The following ANOS1 variants were observed in gnomAD, a reference collection of about 807,000 sequenced individuals.
ANOS1 encodes anosmin 1, also known as anosmin-1.
A neutral mutation model predicts 59.0 loss-of-function variants in ANOS1; 6 were observed. The observed-to-expected ratio is 0.10, with a 90% CI of 0.06 to 0.20. The LOEUF (loss-of-function observed/expected upper bound fraction) is 0.20. ANOS1 is among the 10% of genes least tolerant of loss of function. The probability of loss-of-function intolerance (pLI) is 1.00; values close to 1 mark genes in which losing one functional copy is unlikely to be tolerated. For synonymous variants in ANOS1, 217 were observed against 223.4 expected (o/e 0.97, Z 0.25); for missense variants, 433 against 542.3 (o/e 0.80, Z 2.00).
chrX:8,653,974 G>A (rs949001966), intron 2 of ANOS1, among the ~76,000 whole-genome samples: 2 of 112,177 alleles, frequency 1.8e-5, no homozygotes, highest in Non-Finnish European at 3.8e-5. Flanking sequence ...GGATTCAGTA[G>A]TGACCAGAAC....
At chrX:8,686,948 C>T (rs779986685) in intron 2 of ANOS1, among the ~76,000 whole-genome samples, 165 of 110,780 alleles carry the variant, frequency 1.5e-3, no homozygotes, top group Middle Eastern at 9.3e-3. Flanking sequence ...AGCCAGACTT[C>T]GTCTCAAAAA....
intron 1 of ANOS1, among the ~76,000 whole-genome samples, chrX:8,708,951 A>G (rs973735487): frequency 2.7e-5 from 3 of 111,720 alleles, no homozygotes; most frequent in Non-Finnish European, 5.6e-5. Context: ...GGATGAGTTC[A>G]TGTCCTCTGC....
chrX:8,603,612 ATAATC>A (rs752875330), intron 3 of ANOS1, among the ~76,000 whole-genome samples: 1 of 112,426 alleles, frequency 8.9e-6, no homozygotes, highest in Non-Finnish European at 1.9e-5. Flanking sequence ...GTACAGTAAA[ATAATC>A]TGTTCAGCAA....
At chrX:8,714,615 G>A (rs1372005403) in intron 1 of ANOS1, among the ~76,000 whole-genome samples, 1 of 111,562 alleles carries the variant, frequency 9.0e-6, no homozygotes, top group Non-Finnish European at 1.9e-5. Flanking sequence ...GTAAGTCCTA[G>A]AAGTTGTTGT....
At chrX:8,610,844 C>G (rs1931042999) in intron 3 of ANOS1, among the ~76,000 whole-genome samples, 1 of 111,159 alleles carries the variant, frequency 9.0e-6, no homozygotes, top group Admixed American at 9.6e-5. Flanking sequence ...TCAAAAGGAA[C>G]TTAACTACAT....
chrX:8,656,345 T>C (rs2146867795), intron 2 of ANOS1, among the ~76,000 whole-genome samples: 1 of 112,159 alleles, frequency 8.9e-6, no homozygotes, highest in Admixed American at 9.5e-5. Context: ...TGGCAAATTG[T>C]GTAGCCTTTC....
chrX:8,644,740 C>T (rs376428230), intron 2 of ANOS1, among the ~76,000 whole-genome samples: 13 of 112,182 alleles, frequency 1.2e-4, no homozygotes, highest in South Asian at 3.7e-4. Context: ...CTTATCTTAA[C>T]TCAAGCATTT....
At chrX:8,569,516 C>T (rs1930186725) in intron 7 of ANOS1, among the ~76,000 whole-genome samples, 1 of 111,413 alleles carries the variant, frequency 9.0e-6, no homozygotes, top group African/African-American at 3.3e-5. Flanking sequence ...GTGGCGGGCG[C>T]CTGTAGTCCC....
At chrX:8,696,121 T>C (rs975686884) in intron 2 of ANOS1, among the ~76,000 whole-genome samples, 4 of 112,157 alleles carry the variant, frequency 3.6e-5, no homozygotes, top group Non-Finnish European at 3.8e-5. Context: ...GTTCCTTCTA[T>C]CTTTCTTGTC....
At chrX:8,541,579 G>A (rs1487770789) in intron 9 of ANOS1, among the ~76,000 whole-genome samples, 109 of 89,217 alleles carry the variant, frequency 1.2e-3, no homozygotes, top group African/African-American at 4.3e-3. Context: ...TGGCACTGCA[G>A]AGACCTGTGG....
intron 8 of ANOS1, among the ~76,000 whole-genome samples, chrX:8,564,963 G>T (rs1438229266): frequency 9.0e-6 from 1 of 111,649 alleles, no homozygotes; most frequent in African/African-American, 3.3e-5. Context: ...GCTAATTAAA[G>T]AATATCTCCC....
At chrX:8,594,114 T>G (rs747603017) in intron 4 of ANOS1, among the ~76,000 whole-genome samples, 104 of 111,585 alleles carry the variant, frequency 9.3e-4, no homozygotes, top group African/African-American at 3.3e-3. Context: ...AGGCATAGCC[T>G]GCAACCTCTG....
At chrX:8,644,364 C>A (rs769519160) in intron 2 of ANOS1, among the ~76,000 whole-genome samples, 3 of 110,514 alleles carry the variant, frequency 2.7e-5, no homozygotes, top group Non-Finnish European at 5.7e-5. Flanking sequence ...CACAACTGAC[C>A]AGCATTCACA....
intron 2 of ANOS1, among the ~76,000 whole-genome samples, chrX:8,629,233 C>T (rs893038932): frequency 9.0e-6 from 1 of 110,526 alleles, no homozygotes; most frequent in African/African-American, 3.3e-5. Flanking sequence ...CAGAGTAAGA[C>T]TCTGTCTCAA....
chrX:8,654,599 T>C (rs1041251775), intron 2 of ANOS1, among the ~76,000 whole-genome samples: 2 of 112,427 alleles, frequency 1.8e-5, no homozygotes, highest in African/African-American at 6.5e-5. Flanking sequence ...TAAAGAGCCT[T>C]TAACGTCTCC....
intron 1 of ANOS1, among the ~76,000 whole-genome samples, chrX:8,723,609 A>T (rs1932890725): frequency 8.9e-6 from 1 of 112,515 alleles, no homozygotes; most frequent in South Asian, 3.6e-4. Flanking sequence ...TTTTTTACAT[A>T]TTGGCTAATA....
At chrX:8,668,024 T>C (rs1277084202) in intron 2 of ANOS1, among the ~76,000 whole-genome samples, 1 of 110,645 alleles carries the variant, frequency 9.0e-6, no homozygotes, top group Non-Finnish European at 1.9e-5. Context: ...GTATTTAAGG[T>C]ATTTTTAAAT....
At chrX:8,585,195 G>C in intron 6 of ANOS1, 72 bp downstream of exon 6, 1 of 1,077,372 alleles carries the variant, frequency 9.3e-7, no homozygotes, top group Non-Finnish European at 1.3e-6. Flanking sequence ...CATAGAGACA[G>C]TGAATCTGCA....
At chrX:8,707,596 C>T (rs1249505688) in intron 1 of ANOS1, among the ~76,000 whole-genome samples, 1 of 111,920 alleles carries the variant, frequency 8.9e-6, no homozygotes, top group African/African-American at 3.2e-5. Flanking sequence ...TTCTTCTTCT[C>T]ATCATTCCCT....
Sources: gnomAD v4.1 joint callset for allele counts (sites outside exome capture counted in the v4.1 genomes callset) on GRCh38, gnomAD v4.1.1 for gene constraint, MANE v1.5 for transcripts, NCBI Gene and HGNC (gene_info 2026-07-23, HGNC 2026-07-21) for gene names.